CUL1: variants seen among roughly 807,000 people sequenced by gnomAD.
CUL1 encodes the protein cullin 1, also known as cullin-1.
CUL1 carries 24 observed loss-of-function variants against 118.0 expected under a neutral mutation model. The ratio of observed to expected loss-of-function variants is 0.20; its 90% CI spans 0.15 to 0.29. The LOEUF is 0.29. Ranked by LOEUF, CUL1 falls within the 10% of genes least tolerant of loss-of-function variation. CUL1 has a pLI of 1.00. For missense variants in CUL1, 361 were observed against 933.8 expected (o/e 0.39, Z 7.99); for synonymous variants, 332 against 340.4 (o/e 0.98, Z 0.27).
chr7:148,743,292 G>T (rs890837121), intron 2 of CUL1, among the ~76,000 whole-genome samples: 1 of 152,164 alleles, frequency 6.6e-6, no homozygotes, highest in Non-Finnish European at 1.5e-5. Context: ...ATCAGCTTGC[G>T]GGAGATGATT....
intron 1 of CUL1, among the ~76,000 whole-genome samples, chr7:148,704,940 GC>G (rs1349478655): frequency 6.6e-6 from 1 of 152,172 alleles, no homozygotes; most frequent in East Asian, 1.9e-4. Context: ...AGACATTTCT[GC>G]TTAGTTTAAT....
chr7:148,790,580 G>A, intron 16 of CUL1, 139 bp downstream of exon 16: 2 of 735,342 alleles, frequency 2.7e-6, no homozygotes, highest in Non-Finnish European at 4.4e-6. Context: ...AAAGCATGGA[G>A]TTGTAAGAAT....
At chr7:148,715,254 G>C (rs1052530559) in intron 1 of CUL1, among the ~76,000 whole-genome samples, 1 of 152,158 alleles carries the variant, frequency 6.6e-6, no homozygotes, top group Non-Finnish European at 1.5e-5. Flanking sequence ...CAGGTATCTG[G>C]TGATTTCTGC....
chr7:148,778,096 A>AAAAAAAAAAAAAAAAC (rs1563166639), intron 9 of CUL1, among the ~76,000 whole-genome samples: 2 of 59,306 alleles, frequency 3.4e-5, no homozygotes, highest in Admixed American at 2.2e-4. Context: ...AAAAAAAAAA[A>AAAAAAAAAAAAAAAAC]AGAAGAAGAA....
At chr7:148,707,553 C>T (rs532544253) in intron 1 of CUL1, among the ~76,000 whole-genome samples, 2 of 151,678 alleles carry the variant, frequency 1.3e-5, no homozygotes, top group East Asian at 1.9e-4. Context: ...CATAGGTAAA[C>T]GTGTGCCATG....
At chr7:148,741,564 G>A (rs947110490) in intron 2 of CUL1, among the ~76,000 whole-genome samples, 4 of 151,860 alleles carry the variant, frequency 2.6e-5, no homozygotes, top group Non-Finnish European at 5.9e-5. Context: ...TCAGCCTCCC[G>A]AGTAGCTGGA....
At chr7:148,716,204 C>T (rs1384995175) in intron 1 of CUL1, among the ~76,000 whole-genome samples, 2 of 152,076 alleles carry the variant, frequency 1.3e-5, no homozygotes, top group African/African-American at 4.8e-5. Flanking sequence ...GTGTAGCAAA[C>T]ATGTCCATTC....
chr7:148,781,078 G>GTTTTTTTT (rs1800611287), intron 9 of CUL1, among the ~76,000 whole-genome samples: 3 of 41,554 alleles, frequency 7.2e-5, no homozygotes, highest in African/African-American at 3.5e-4. Context: ...TTCAAGGCCA[G>GTTTTTTTT]ATTTTTTTTT....
chr7:148,786,692 A>G, intron 12 of CUL1, 93 bp downstream of exon 12: 1 of 1,052,392 alleles, frequency 9.5e-7, no homozygotes. Context: ...AAATGTGAAA[A>G]GTAATAATCA....
At position 148,788,726 on chromosome 7, in the gene CUL1, C is replaced by T. The variant is rs755241608; in HGVS notation, c.1597+52C>T. On this transcript the variant is annotated intron_variant, in intron 14 of 21. Coordinates refer to ENST00000325222, the MANE Select transcript of CUL1 (RefSeq NM_003592.3). Reference sequence around the variant, plus strand: ...TGTTTACAGGCAGAGTTCTCTGTAGCAAATGAAGAAATGACAAAATATTAG... The same window carrying T: ...TGTTTACAGGCAGAGTTCTCTGTAGTAAATGAAGAAATGACAAAATATTAG... 3 of 1,189,984 alleles carry T rather than the reference C, an allele frequency of 2.5e-6. No individual in the cohort carries two copies. The African/African-American group carries it at 4.6e-5, about 18-fold the overall frequency. 73.7% of individuals were successfully genotyped at this position (1,189,984 alleles called of 1,614,324 possible). A position where few individuals can be genotyped will look rare whatever the true frequency, so the allele number is the denominator to read the frequency against.
intron 1 of CUL1, among the ~76,000 whole-genome samples, chr7:148,720,297 C>T (rs749258672): frequency 1.3e-5 from 2 of 152,062 alleles, no homozygotes; most frequent in Non-Finnish European, 2.9e-5. Context: ...CAGTGAAGAC[C>T]CTTTAGTTAG....
At chr7:148,788,082 G>A (rs1308349836) in intron 13 of CUL1, among the ~76,000 whole-genome samples, 4 of 152,150 alleles carry the variant, frequency 2.6e-5, no homozygotes, top group Non-Finnish European at 4.4e-5. Context: ...AGTGCCTCAC[G>A]TGTCAGAGAG....
intron 1 of CUL1, among the ~76,000 whole-genome samples, chr7:148,726,140 C>T (rs143880079): frequency 8.4e-4 from 128 of 151,928 alleles, no homozygotes; most frequent in Non-Finnish European, 1.5e-3. Context: ...ATTAACAGTA[C>T]GTTTTAATAG....
chr7:148,793,934 T>C (rs1463946661), intron 17 of CUL1, among the ~76,000 whole-genome samples: 2 of 152,218 alleles, frequency 1.3e-5, no homozygotes, highest in Non-Finnish European at 2.9e-5. Context: ...AAAAAAATTA[T>C]AGCCATCCCA....
At chr7:148,776,181 C>CT (rs1201254254) in intron 9 of CUL1, among the ~76,000 whole-genome samples, 1 of 151,454 alleles carries the variant, frequency 6.6e-6, no homozygotes, top group East Asian at 1.9e-4. Context: ...AGGAAGACCC[C>CT]CCTCTGCCTT....
chr7:148,784,515 T>A (rs1054660038), intron 11 of CUL1, among the ~76,000 whole-genome samples: 1 of 152,242 alleles, frequency 6.6e-6, no homozygotes, highest in Non-Finnish European at 1.5e-5. Flanking sequence ...AATTTATGTG[T>A]ATTAAGATCT....
intron 2 of CUL1, among the ~76,000 whole-genome samples, chr7:148,735,482 C>T (rs1798909522): frequency 6.6e-6 from 1 of 152,244 alleles, no homozygotes; most frequent in African/African-American, 2.4e-5. Flanking sequence ...CTGCTCACTG[C>T]AAAATTCTCT....
At chr7:148,774,946 G>A (rs1043865872) in intron 9 of CUL1, among the ~76,000 whole-genome samples, 3 of 152,242 alleles carry the variant, frequency 2.0e-5, no homozygotes, top group Non-Finnish European at 4.4e-5. Flanking sequence ...CAGCACATCA[G>A]ATAGAGAATT....
chr7:148,733,009 A>G (rs1798813650), intron 2 of CUL1, among the ~76,000 whole-genome samples: 2 of 152,058 alleles, frequency 1.3e-5, no homozygotes, highest in African/African-American at 4.8e-5. Flanking sequence ...CACCTCATTA[A>G]GCCTTATCTC....
Sources: gnomAD v4.1 joint callset for allele counts (sites outside exome capture counted in the v4.1 genomes callset) on GRCh38, gnomAD v4.1.1 for gene constraint, MANE v1.5 for transcripts, NCBI Gene and HGNC (gene_info 2026-07-23, HGNC 2026-07-21) for gene names.